The following TNFRSF8 variants were observed in gnomAD, a reference collection of about 807,000 sequenced individuals.
TNFRSF8 encodes TNF receptor superfamily member 8.
In TNFRSF8, 26 loss-of-function variants were observed where a neutral mutation model predicts 70.8. That is an observed-to-expected ratio of 0.37 (90% CI 0.27 to 0.51). The LOEUF is 0.51. Among genes scored for constraint, TNFRSF8 ranks in the 20% least tolerant of loss-of-function variants. The pLI is 0.94. For missense variants in TNFRSF8, 720 were observed against 807.9 expected (o/e 0.89, Z 1.32); for synonymous variants, 356 against 339.2 (o/e 1.05, Z -0.54).
At chr1:12,117,896 G>A (rs1641761387) in intron 8 of TNFRSF8, among the ~76,000 whole-genome samples, 1 of 150,866 alleles carries the variant, frequency 6.6e-6, no homozygotes, top group Non-Finnish European at 1.5e-5. Context: ...CCACTCTCCA[G>A]CTCCGTGTGG....
chr1:12,094,911 C>A (rs1418305245), intron 2 of TNFRSF8, among the ~76,000 whole-genome samples: 1 of 152,132 alleles, frequency 6.6e-6, no homozygotes, highest in Non-Finnish European at 1.5e-5. Context: ...CAGGTTTGAC[C>A]CACCGCACCC....
intron 3 of TNFRSF8, among the ~76,000 whole-genome samples, chr1:12,104,133 C>T (rs1641473499): frequency 6.6e-6 from 1 of 152,184 alleles, no homozygotes; most frequent in Non-Finnish European, 1.5e-5. Flanking sequence ...CCTTTTCAGA[C>T]TGGTGTCTTT....
intron 2 of TNFRSF8, among the ~76,000 whole-genome samples, chr1:12,096,210 G>A (rs1306553308): frequency 6.6e-6 from 1 of 152,020 alleles, no homozygotes; most frequent in African/African-American, 2.4e-5. Flanking sequence ...ATTCTGATTG[G>A]CCTGCTTGGG....
chr1:12,105,556 C>T lies in TNFRSF8; in HGVS notation c.421+1025C>T, dbSNP rs534424484. Reference sequence around the variant, plus strand: ...TCTCTCTCTCTCTCTCTCTCACTCACTCACTCTCTCTCTGTCTCACACACA... The same window carrying T: ...TCTCTCTCTCTCTCTCTCTCACTCATTCACTCTCTCTCTGTCTCACACACA... On this transcript the variant is annotated intron_variant, in intron 4 of 14. Transcript: ENST00000263932. Among the ~76,000 whole-genome samples the T allele has an allele frequency of 2.7e-3, 326 of 119,690 alleles. 3 individuals carry two copies. The highest frequency in any genetic ancestry group is 7.7e-4 in the Non-Finnish European group (44 of 56,904). The allele number at this position is 119,690 out of a possible 152,430, so 78.5% of individuals were successfully genotyped here. A position where few individuals can be genotyped will look rare whatever the true frequency, so the allele number is the denominator to read the frequency against.
intron 1 of TNFRSF8, among the ~76,000 whole-genome samples, chr1:12,081,285 A>G (rs528277210): frequency 6.6e-6 from 1 of 152,146 alleles, no homozygotes; most frequent in South Asian, 2.1e-4. Flanking sequence ...TGAGATTAGC[A>G]GGCAGGCCGG....
At chr1:12,082,067 C>T (rs1641074025) in intron 1 of TNFRSF8, among the ~76,000 whole-genome samples, 1 of 152,144 alleles carries the variant, frequency 6.6e-6, no homozygotes, top group Non-Finnish European at 1.5e-5. Context: ...TTTTGCTCCA[C>T]CCTAGAAGTT....
rs551924356 is a variant in TNFRSF8 at position 12,125,893 on chromosome 1, G to A, written c.1154-58G>A. The stretch of plus-strand genomic sequence containing the variant: ...GAGAAGGAGGAAGTCGTCTGGGGCT[G>A]GGGCTGTCTTGTGTGGTTGCAGCAA... On this transcript the variant is annotated intron_variant, in intron 10 of 14. Transcript: ENST00000263932. The A allele has an allele frequency of 1.3e-4, 175 of 1,377,138 alleles. 1 individual carries two copies. The African/African-American group carries it at 2.2e-3, about 17-fold the overall frequency. The allele number at this position is 1,377,138 out of a possible 1,614,324, so 85.3% of individuals were successfully genotyped here. A position where few individuals can be genotyped will look rare whatever the true frequency, so the allele number is the denominator to read the frequency against.
chr1:12,115,627 G>A lies in TNFRSF8; in HGVS notation c.844G>A (p.Glu282Lys), dbSNP rs199906292. ...TGCATGGAACTCCTCCCGCACCTGC[G>A]AATGTCGACCTGGCATGATCTGTGC... ...PCAWNSSRTCECRPGMICATS... is the reference protein window; with the variant it reads ...PCAWNSSRTCKCRPGMICATS... The change falls in exon 8 of 15, where the codon GAA becomes AAA. Residue 282 changes from glutamate (E) to lysine (K), a missense_variant. Glu to Lys is a moderately conservative substitution (Grantham distance 56). Coordinates refer to ENST00000263932, the MANE Select transcript of TNFRSF8 (RefSeq NM_001243.5). The A allele has an allele frequency of 1.2e-4, 192 of 1,614,146 alleles. No homozygotes were observed. The highest frequency in any genetic ancestry group is 3.7e-4 in the Admixed American group (22 of 60,006).
Position 12,097,229 on chromosome 1 carries a change from G to T in TNFRSF8, c.268+12G>T. 6.2e-7 allele frequency: 1 copy of T among 1,609,016 alleles called. No individual in the cohort carries two copies. The highest frequency in any genetic ancestry group is 1.3e-5 in the African/African-American group (1 of 74,922). On this transcript the variant is annotated intron_variant, in intron 3 of 14. Coordinates refer to ENST00000263932, the MANE Select transcript of TNFRSF8 (RefSeq NM_001243.5). ...GACTTGTTCTCGAGGTAAGGGCCTT[G>T]TTCTCTCTCCAGGGCCTCCTTCTAG...
At chr1:12,129,634 G>A (rs76969201) in intron 12 of TNFRSF8, among the ~76,000 whole-genome samples, 2,725 of 152,232 alleles carry the variant, frequency 0.018, 73 homozygotes, top group East Asian at 0.11. Context: ...GGTTTGTCTG[G>A]TGTTTTCTCC....
chr1:12,064,797 A>G (rs1640709066), intron 1 of TNFRSF8, among the ~76,000 whole-genome samples: 1 of 152,194 alleles, frequency 6.6e-6, no homozygotes, highest in Non-Finnish European at 1.5e-5. Flanking sequence ...AGAGGGGACA[A>G]AGCCCTGGCT....
chr1:12,113,713 G>T lies in TNFRSF8; in HGVS notation c.793+1699G>T, dbSNP rs6662430. Among the ~76,000 whole-genome samples, 2 of 151,968 alleles carry T rather than the reference G, an allele frequency of 1.3e-5. No homozygotes were observed. Among genetic ancestry groups the T allele is most frequent in the African/African-American group, 4.8e-5 (2 of 41,356 alleles). On this transcript the variant is annotated intron_variant, in intron 7 of 14. Coordinates refer to ENST00000263932, the MANE Select transcript of TNFRSF8 (RefSeq NM_001243.5). The surrounding 1 kb of genome is among the most constrained non-coding windows in gnomAD (Gnocchi z 4.9). ...AAAGAGAGACTGAGAGACAGAGAGA[G>T]ACAGAGATAGAGTGTGACAGAGAGA...
At chr1:12,084,910 T>C (rs1641126938) in intron 2 of TNFRSF8, among the ~76,000 whole-genome samples, 1 of 152,180 alleles carries the variant, frequency 6.6e-6, no homozygotes, top group African/African-American at 2.4e-5. Flanking sequence ...AATTTGCAGA[T>C]GAGGCTACTG....
intron 4 of TNFRSF8, 37 bp downstream of exon 4, chr1:12,104,568 A>G (rs1641486694): frequency 6.2e-7 from 1 of 1,612,866 alleles, no homozygotes; most frequent in Non-Finnish European, 8.5e-7. Flanking sequence ...ACAGAGATCT[A>G]TGCTGTTGCT....
In TNFRSF8 at chr1:12,117,232, G is replaced by A. The variant is rs542451483; in HGVS notation, c.946+1503G>A. Among the ~76,000 whole-genome samples the A allele has an allele frequency of 1.1e-3, 174 of 152,052 alleles. 1 individual carries two copies. Among genetic ancestry groups the A allele is most frequent in the East Asian group, 2.7e-3 (14 of 5,154 alleles). ...CGAGTAGCTGGGATTACAGGTGCCCGCCACCACACCCAGCTAATTTTCATA... is the reference window on the plus strand; with the variant it reads ...CGAGTAGCTGGGATTACAGGTGCCCACCACCACACCCAGCTAATTTTCATA... On this transcript the variant is annotated intron_variant, in intron 8 of 14. Coordinates refer to ENST00000263932, the MANE Select transcript of TNFRSF8 (RefSeq NM_001243.5).
rs1292454563 is a variant in TNFRSF8, at chr1:12,104,512, G to C, written c.402G>C (p.Gly134=). 6.2e-7 allele frequency: 1 copy of C among 1,614,204 alleles called. No homozygotes were observed. Among genetic ancestry groups the C allele is most frequent in the Non-Finnish European group, 8.5e-7 (1 of 1,180,036 alleles). The change falls in exon 4 of 15, where the codon GGG becomes GGC. Residue 134 remains glycine, a synonymous_variant. Coordinates refer to ENST00000263932, the MANE Select transcript of TNFRSF8 (RefSeq NM_001243.5). ...RCFFHSVCPA[G]MIVKFPGTAQ... is the part of the protein sequence containing the mutation. ...TCTTCCATTCTGTCTGTCCGGCAGG[G>C]ATGATTGTCAAGTTCCCAGGTCAGT...
chr1:12,138,363 G>T lies in TNFRSF8; in HGVS notation c.1470G>T (p.Pro490=), dbSNP rs142641214. The T allele has an allele frequency of 1.1e-3, 1,853 of 1,613,552 alleles. 4 individuals carry two copies. The highest frequency in any genetic ancestry group is 1.4e-3 in the Non-Finnish European group (1,703 of 1,179,898). Residue 490 remains proline, a synonymous_variant, in exon 14 of 15, where the codon CCG becomes CCT. Coordinates refer to ENST00000263932, the MANE Select transcript of TNFRSF8 (RefSeq NM_001243.5). The surrounding 1 kb of genome is among the most constrained non-coding windows in gnomAD (Gnocchi z 5.7). ...LESLPLQDAS[P]AGGPSSPRDL... ...GCCTGCCGCTGCAGGATGCCAGCCC[G>T]GCCGGGGGCCCCTCGTCCCCCAGGG...
Position 12,142,489 on chromosome 1 carries a change from A to AG in TNFRSF8, c.1749dup (p.Lys584GlufsTer21), listed in dbSNP as rs1642274059. The AG allele has an allele frequency of 1.3e-6, 2 of 1,596,448 alleles. No individual in the cohort carries two copies. Among genetic ancestry groups the AG allele is most frequent in the Non-Finnish European group, 1.7e-6 (2 of 1,171,788 alleles). ...ATGTCATGCTCTCAGTGGAAGAGGA[A>AG]GGGAAAGAAGACCCCTTGCCCACAG... is the stretch of plus-strand genomic sequence containing the variant. On this transcript the variant is annotated frameshift_variant, in exon 15 of 15. Transcript: ENST00000263932. LOFTEE classifies it high-confidence loss of function. This position sits in a 1 kb window ranked among gnomAD's most constrained non-coding sequence, Gnocchi z 5.0.
At chr1:12,067,491 C>A (rs1274135080) in intron 1 of TNFRSF8, among the ~76,000 whole-genome samples, 1 of 152,106 alleles carries the variant, frequency 6.6e-6, no homozygotes, top group Non-Finnish European at 1.5e-5. Context: ...GAGTTCAAGA[C>A]CAGCCTGGTC....
Sources: gnomAD v4.1 joint callset for allele counts (sites outside exome capture counted in the v4.1 genomes callset) on GRCh38, gnomAD v4.1.1 for gene constraint, Gnocchi (gnomAD v3.1) non-coding constraint, MANE v1.5 for transcripts, NCBI Gene and HGNC (gene_info 2026-07-23, HGNC 2026-07-21) for gene names.